The following LGSN variants were observed in gnomAD, a reference collection of about 807,000 sequenced individuals.
LGSN encodes lengsin.
Under a neutral mutation model 19.5 loss-of-function variants are expected in LGSN, and 21 were observed. The ratio of observed to expected loss-of-function variants is 1.07; its 90% CI spans 0.76 to 1.55. The LOEUF (loss-of-function observed/expected upper bound fraction) is 1.55, where lower values mean the gene tolerates loss of function less well. Ranked by LOEUF, LGSN falls within the 40% of genes most tolerant of loss-of-function variation. The pLI, the probability that LGSN is intolerant of heterozygous loss-of-function variation, is 0.00. For missense variants in LGSN, 673 were observed against 608.5 expected (o/e 1.11, Z -1.12); for synonymous variants, 257 against 215.6 (o/e 1.19, Z -1.68).
chr6:63,409,547 G>A, the LGSN span, among the ~76,000 whole-genome samples: 1,115 of 152,226 alleles, frequency 7.3e-3, 8 homozygotes, highest in African/African-American at 0.025. Flanking sequence ...GGGGTCAGAT[G>A]ACCTTATTTT....
the LGSN span, among the ~76,000 whole-genome samples, chr6:63,547,610 A>G: frequency 2.5e-4 from 35 of 141,480 alleles, no homozygotes; most frequent in Middle Eastern, 4.2e-3. Context: ...GGTTCATTCC[A>G]TTCTCCTGCC....
the LGSN span, among the ~76,000 whole-genome samples, chr6:63,490,928 C>T: frequency 6.6e-6 from 1 of 152,136 alleles, no homozygotes; most frequent in East Asian, 1.9e-4. Context: ...AGACAGACAC[C>T]CCACTCAAGA....
the LGSN span, among the ~76,000 whole-genome samples, chr6:63,407,805 T>G: frequency 2.0e-5 from 3 of 152,190 alleles, no homozygotes; most frequent in Non-Finnish European, 4.4e-5. Flanking sequence ...AAAATCTCCT[T>G]AAGCTGATAA....
At chr6:63,480,078 C>T in the LGSN span, 5,977 of 163,334 alleles carry the variant, frequency 0.037, 402 homozygotes, top group African/African-American at 0.13. Context: ...GCTAGGCATT[C>T]ACAACCTGTG....
At chr6:63,491,473 G>A in the LGSN span, among the ~76,000 whole-genome samples, 1 of 152,042 alleles carries the variant, frequency 6.6e-6, no homozygotes, top group Non-Finnish European at 1.5e-5. Flanking sequence ...TAAAATCCTT[G>A]AGAATCCTCC....
chr6:63,358,150 T>C, the LGSN span, among the ~76,000 whole-genome samples: 9 of 152,208 alleles, frequency 5.9e-5, no homozygotes, highest in African/African-American at 2.2e-4. Flanking sequence ...TGTAGATATG[T>C]GGCATTATTT....
chr6:63,465,991 A>G, the LGSN span, among the ~76,000 whole-genome samples: 1 of 152,220 alleles, frequency 6.6e-6, no homozygotes. Flanking sequence ...TTTGTCTGTG[A>G]CAATGTCTCA....
At chr6:63,549,233 A>T in the LGSN span, 4 of 734,064 alleles carry the variant, frequency 5.4e-6, no homozygotes, top group Non-Finnish European at 9.9e-6. Context: ...GTAGCAGAGC[A>T]GCTGTTTGGT....
At chr6:63,386,865 A>G in the LGSN span, among the ~76,000 whole-genome samples, 16,438 of 152,150 alleles carry the variant, frequency 0.11, 1,845 homozygotes, top group African/African-American at 0.29. Context: ...TTGGGAGGCC[A>G]AGGCTGGTAT....
the LGSN span, among the ~76,000 whole-genome samples, chr6:63,524,090 T>G: frequency 6.6e-6 from 1 of 152,122 alleles, no homozygotes; most frequent in Non-Finnish European, 1.5e-5. Context: ...CAAGTGATTC[T>G]CCCCATGTCT....
chr6:63,491,439 TAAAGG>T, the LGSN span, among the ~76,000 whole-genome samples: 80,983 of 151,640 alleles, frequency 0.53, 23,425 homozygotes, highest in African/African-American at 0.77. Flanking sequence ...AGCCAAATTC[TAAAGG>T]AGATCCAAAG....
the LGSN span, among the ~76,000 whole-genome samples, chr6:63,453,844 G>T: frequency 6.6e-6 from 1 of 151,962 alleles, no homozygotes; most frequent in African/African-American, 2.4e-5. Context: ...GTTTAGTAGA[G>T]ACAGGGTTTC....
chr6:63,319,408 G>A (rs772435117), intron 1 of LGSN, among the ~76,000 whole-genome samples: 13 of 152,154 alleles, frequency 8.5e-5, no homozygotes, highest in Non-Finnish European at 1.8e-4. Flanking sequence ...ATTAAGAAGT[G>A]AGGAGAAATG....
At chr6:63,560,359 A>G in the LGSN span, among the ~76,000 whole-genome samples, 1 of 149,636 alleles carries the variant, frequency 6.7e-6, no homozygotes, top group East Asian at 1.9e-4. Context: ...AAAAAAAAAG[A>G]AAGAAAGAAA....
chr6:63,476,522 AC>A, the LGSN span, among the ~76,000 whole-genome samples: 1,797 of 152,284 alleles, frequency 0.012, 25 homozygotes, highest in African/African-American at 0.033. Flanking sequence ...GCTCAGCTGG[AC>A]TGGATGTCAA....
chr6:63,302,761 C>T (rs1768233819), intron 1 of LGSN, among the ~76,000 whole-genome samples: 1 of 152,120 alleles, frequency 6.6e-6, no homozygotes, highest in Non-Finnish European at 1.5e-5. Flanking sequence ...AATTCATTGT[C>T]GAGTGTGGAC....
At chr6:63,380,953 T>C in the LGSN span, among the ~76,000 whole-genome samples, 1 of 152,116 alleles carries the variant, frequency 6.6e-6, no homozygotes, top group African/African-American at 2.4e-5. Context: ...TCCCAGCACT[T>C]TGAGAGGCCA....
chr6:63,549,242 G>T, the LGSN span: 1 of 740,268 alleles, frequency 1.4e-6, no homozygotes. Context: ...CAGCTGTTTG[G>T]TGGTCCAGGG....
the LGSN span, among the ~76,000 whole-genome samples, chr6:63,331,707 C>G: frequency 2.0e-5 from 3 of 152,194 alleles, no homozygotes; most frequent in South Asian, 6.2e-4. Context: ...CTCACCTACG[C>G]AGCAGCAGAA....
Sources: allele counts gnomAD v4.1 joint callset (sites outside exome capture counted in the v4.1 genomes callset), GRCh38; gene constraint gnomAD v4.1.1; transcripts MANE v1.5; gene names NCBI Gene and HGNC (gene_info 2026-07-23, HGNC 2026-07-21).